EIF4G3: variants seen among roughly 807,000 people sequenced by gnomAD.
The protein encoded by EIF4G3 is eIF-4-gamma 3.
EIF4G3 carries 34 observed loss-of-function variants against 186.4 expected under a neutral mutation model. The observed-to-expected ratio is 0.18, with a 90% CI of 0.14 to 0.24. The LOEUF (loss-of-function observed/expected upper bound fraction) is 0.24, where lower values mean the gene tolerates loss of function less well. Among genes scored for constraint, EIF4G3 ranks in the 10% least tolerant of loss-of-function variants. The probability of loss-of-function intolerance (pLI) is 1.00; values close to 1 mark genes in which losing one functional copy is unlikely to be tolerated. For missense variants in EIF4G3, 1,536 were observed against 1,948.5 expected (o/e 0.79, Z 3.99); for synonymous variants, 673 against 679.5 (o/e 0.99, Z 0.15).
intron 22 of EIF4G3, among the ~76,000 whole-genome samples, chr1:20,863,907 A>C (rs966263972): frequency 6.6e-6 from 1 of 152,220 alleles, no homozygotes; most frequent in African/African-American, 2.4e-5. Context: ...GTTTACATAA[A>C]TAAGAAGTAA....
intron 20 of EIF4G3, among the ~76,000 whole-genome samples, chr1:20,867,519 T>C (rs986696741): frequency 1.3e-5 from 2 of 152,136 alleles, no homozygotes; most frequent in Non-Finnish European, 2.9e-5. Flanking sequence ...ATTTCAAAAA[T>C]GGGGTGAGGT....
chr1:20,950,121 G>C lies in EIF4G3; in HGVS notation c.715-10C>G. The C allele has an allele frequency of 6.4e-7, 1 of 1,568,472 alleles. No individual in the cohort carries two copies. The highest frequency in any genetic ancestry group is 1.2e-5 in the South Asian group (1 of 83,882). On this transcript the variant is annotated splice_polypyrimidine_tract_variant and intron_variant, in intron 12 of 36. Coordinates refer to ENST00000602326, the MANE Select transcript of EIF4G3 (RefSeq NM_001391906.1). ...CCTGGCTGGGCAGCTGCTGGGATTT[G>C]AAGTACAAAAAAGGGTGATAATGAG...
At chr1:20,839,135 G>A (rs757508912) in intron 30 of EIF4G3, among the ~76,000 whole-genome samples, 22 of 152,026 alleles carry the variant, frequency 1.4e-4, no homozygotes, top group Admixed American at 3.3e-4. Context: ...GTGCCACCAC[G>A]CCCGGCTAAT....
chr1:21,106,353 G>T (rs1306301837), intron 2 of EIF4G3, among the ~76,000 whole-genome samples: 3 of 152,140 alleles, frequency 2.0e-5, no homozygotes, highest in Non-Finnish European at 4.4e-5. Context: ...TAGTGGCCTA[G>T]AAGACAGTAG....
intron 2 of EIF4G3, among the ~76,000 whole-genome samples, chr1:21,141,848 T>C (rs2097345571): frequency 6.6e-6 from 1 of 151,992 alleles, no homozygotes; most frequent in South Asian, 2.1e-4. Context: ...GAAGAATCGC[T>C]TGAGCCTGGG....
intron 14 of EIF4G3, among the ~76,000 whole-genome samples, chr1:20,907,318 A>G (rs781047477): frequency 6.6e-6 from 1 of 152,188 alleles, no homozygotes; most frequent in African/African-American, 2.4e-5. Flanking sequence ...AATTTCAACT[A>G]CATTAAAATA....
In EIF4G3 at chr1:20,865,131, A is replaced by C; in HGVS notation, c.2754T>G (p.Leu918=). ...DDVFEKKQKE[L]EAASAPEERT... The stretch of plus-strand genomic sequence containing the variant: ...AAATACTTACAGCACTGGCAGCCTC[A>C]AGTTCTTTCTGCTTCTTCTCAAAGA... The change falls in exon 21 of 37, where the codon CTT becomes CTG. Residue 918 remains leucine (L), a synonymous_variant. Transcript: ENST00000602326. 3 of 1,614,116 alleles carry C rather than the reference A, an allele frequency of 1.9e-6. No individual in the cohort carries two copies. The highest frequency in any genetic ancestry group is 2.5e-6 in the Non-Finnish European group (3 of 1,179,998).
intron 20 of EIF4G3, among the ~76,000 whole-genome samples, chr1:20,869,234 G>A (rs2154552772): frequency 6.6e-6 from 1 of 151,992 alleles, no homozygotes; most frequent in African/African-American, 2.4e-5. Context: ...GTAATGAATA[G>A]GATAATGTAA....
intron 3 of EIF4G3, among the ~76,000 whole-genome samples, chr1:21,053,171 T>G (rs1434841099): frequency 6.7e-6 from 1 of 150,294 alleles, no homozygotes; most frequent in Admixed American, 6.6e-5. Context: ...GTCTGAGATG[T>G]GGGGAGCACC....
intron 10 of EIF4G3, 26 bp downstream of exon 10, chr1:20,980,308 G>GA: frequency 6.7e-7 from 1 of 1,483,246 alleles, no homozygotes; most frequent in Non-Finnish European, 9.0e-7. Context: ...AAAACTAGCA[G>GA]AAATGTCTTG....
chr1:21,028,848 T>C (rs946955476), intron 4 of EIF4G3, among the ~76,000 whole-genome samples: 2 of 152,256 alleles, frequency 1.3e-5, no homozygotes, highest in Non-Finnish European at 2.9e-5. Context: ...GTTGTAGCTA[T>C]ATTATACCTA....
intron 12 of EIF4G3, among the ~76,000 whole-genome samples, chr1:20,959,691 T>TC (rs1352060143): frequency 2.1e-5 from 3 of 144,730 alleles, no homozygotes; most frequent in Non-Finnish European, 4.5e-5. Flanking sequence ...ATAATAATAA[T>TC]AATAATCCCA....
intron 13 of EIF4G3, among the ~76,000 whole-genome samples, chr1:20,944,713 T>C (rs1324095502): frequency 6.6e-6 from 1 of 152,048 alleles, no homozygotes; most frequent in Non-Finnish European, 1.5e-5. Flanking sequence ...GATAAACTTC[T>C]ATACACACTT....
chr1:21,073,806 A>G (rs1310758185), intron 3 of EIF4G3: 5 of 319,336 alleles, frequency 1.6e-5, no homozygotes, highest in African/African-American at 6.4e-5. Context: ...CCTGGAAGAG[A>G]TATTTTTATT....
At chr1:21,037,375 C>A (rs2093291245) in intron 4 of EIF4G3, among the ~76,000 whole-genome samples, 1 of 152,044 alleles carries the variant, frequency 6.6e-6, no homozygotes, top group African/African-American at 2.4e-5. Context: ...AGGCACTGCT[C>A]GTCATATGGG....
chr1:20,818,790 C>T (rs1279684337), intron 33 of EIF4G3, among the ~76,000 whole-genome samples: 4 of 152,162 alleles, frequency 2.6e-5, no homozygotes, highest in Non-Finnish European at 4.4e-5. Context: ...ATAAGGTTTT[C>T]TCTAATACTC....
intron 35 of EIF4G3, 122 bp from the exon 36 acceptor site, chr1:20,811,006 G>A: frequency 1.1e-6 from 1 of 944,770 alleles, no homozygotes. Context: ...CTGGAGTGCA[G>A]TGGCACAATC....
At chr1:20,899,475 A>C (rs556397761) in intron 16 of EIF4G3, among the ~76,000 whole-genome samples, 1 of 152,202 alleles carries the variant, frequency 6.6e-6, no homozygotes, top group African/African-American at 2.4e-5. Context: ...TGCTCTTCCA[A>C]TGCCAGTAAA....
intron 4 of EIF4G3, among the ~76,000 whole-genome samples, chr1:21,033,366 T>A (rs572385381): frequency 6.6e-6 from 1 of 151,964 alleles, no homozygotes; most frequent in Non-Finnish European, 1.5e-5. Context: ...CATAAACTGA[T>A]ATGAAAGAGT....
Sources: allele counts gnomAD v4.1 joint callset (sites outside exome capture counted in the v4.1 genomes callset), GRCh38; gene constraint gnomAD v4.1.1; transcripts MANE v1.5; gene names NCBI Gene and HGNC (gene_info 2026-07-23, HGNC 2026-07-21).